NKAIN4: variants seen among roughly 807,000 people sequenced by gnomAD.
NKAIN4 encodes sodium/potassium-transporting ATPase subunit beta-1-interacting protein 4.
In NKAIN4, 28 loss-of-function variants were observed where a neutral mutation model predicts 28.8. The observed-to-expected ratio is 0.97, with a 90% confidence interval of 0.72 to 1.33. The LOEUF (loss-of-function observed/expected upper bound fraction) is 1.33, where lower values mean the gene tolerates loss of function less well. Ranked by LOEUF, NKAIN4 falls within the 40% of genes most tolerant of loss-of-function variation. The probability of loss-of-function intolerance (pLI) is 0.00; values close to 1 mark genes in which losing one functional copy is unlikely to be tolerated. For missense variants in NKAIN4, 289 were observed against 277.2 expected (o/e 1.04, Z -0.30); for synonymous variants, 122 against 115.6 (o/e 1.06, Z -0.36).
rs1157671237 is a variant in NKAIN4 at position 63,245,451 on chromosome 20, G to A, written c.472-1367C>T. On this transcript the variant is annotated intron_variant, in intron 4 of 6. Transcript: ENST00000370316. The surrounding 1 kb of genome is among the most constrained non-coding windows in gnomAD (Gnocchi z 4.7). ...CCTTCCAGCCGGTGCCCTCCTGCCTGGGGACCTGCAGGCCACCTCTGTCCC... is the reference window on the plus strand; with the variant it reads ...CCTTCCAGCCGGTGCCCTCCTGCCTAGGGACCTGCAGGCCACCTCTGTCCC... Among the ~76,000 whole-genome samples, 1 of 152,030 alleles carries A rather than the reference G, an allele frequency of 6.6e-6. No individual in the cohort carries two copies. Among genetic ancestry groups the A allele is most frequent in the Non-Finnish European group, 1.5e-5 (1 of 68,002 alleles).
rs142203420 is a variant in NKAIN4 at position 63,242,719 on chromosome 20, G to C, written c.533-96C>G. ...CCAACCAGACAAAGAAGCCCAAGGG[G>C]TCCCTGGGGGCACAGACAGTGCCCA... On this transcript the variant is annotated intron_variant, in intron 5 of 6. Coordinates refer to ENST00000370316, the MANE Select transcript of NKAIN4 (RefSeq NM_152864.4). 167 of 807,662 alleles carry C rather than the reference G, an allele frequency of 2.1e-4. 1 individual carries two copies. The East Asian group carries it at 5.5e-3, about 26-fold the overall frequency. The allele number at this position is 807,662 out of a possible 1,614,324, so 50.0% of individuals were successfully genotyped here.
chr20:63,246,600 G>T (rs2066862075), intron 4 of NKAIN4: 19 of 985,204 alleles, frequency 1.9e-5, no homozygotes, highest in Non-Finnish European at 2.3e-5. Context: ...CGGCCATGGA[G>T]CCTCGCTCCT....
chr20:63,241,409 G>A lies in NKAIN4; in HGVS notation c.*88C>T, dbSNP rs2066748458. ...CGCCTGGGGGGTGCTGGGTGGGGGC[G>A]CGTCCCAAGGCCTGGGAGCTCCTGT... On this transcript the variant is annotated 3_prime_UTR_variant, in exon 7 of 7. Coordinates refer to ENST00000370316, the MANE Select transcript of NKAIN4 (RefSeq NM_152864.4). 3.5e-6 allele frequency: 5 copies of A among 1,421,058 alleles called. No individual in the cohort carries two copies. Among genetic ancestry groups the A allele is most frequent in the South Asian group, 1.2e-5 (1 of 81,260 alleles). The allele number at this position is 1,421,058 out of a possible 1,614,324, so 88.0% of individuals were successfully genotyped here. A position where few individuals can be genotyped will look rare whatever the true frequency, so the allele number is the denominator to read the frequency against.
chr20:63,247,714 G>A lies in NKAIN4; in HGVS notation c.335C>T (p.Pro112Leu). ...TGGCACCTCCTCATGCAGACAGCCT[G>A]GCCAGCGCTCACGCCACCAGGAGCG... The part of the protein sequence containing the change: ...RHRSWWRERW[P>L]GCLHEEVPAV... The change falls in exon 4 of 7, where the codon CCA (proline) becomes CTA (leucine). Residue 112 changes from proline to leucine, a missense_variant. Coordinates refer to ENST00000370316, the MANE Select transcript of NKAIN4 (RefSeq NM_152864.4). The A allele has an allele frequency of 1.3e-6, 2 of 1,515,900 alleles. No individual in the cohort carries two copies. The highest frequency in any genetic ancestry group is 1.3e-5 in the South Asian group (1 of 78,426). 93.9% of individuals were successfully genotyped at this position (1,515,900 alleles called of 1,614,324 possible).
chr20:63,254,467 G>A (rs894240315), upstream of NKAIN4: 5 of 1,324,150 alleles, frequency 3.8e-6, no homozygotes, highest in Non-Finnish European at 4.8e-6. Flanking sequence ...CGCCTATACA[G>A]GAGGCCCCCG....
chr20:63,245,484 C>G lies in NKAIN4; in HGVS notation c.472-1400G>C, dbSNP rs1165093828. ...GCAGGCCACCTCTGTCCCACACCCCCATGCTCCCCGCCCTGCACACCACCG... is the reference window on the plus strand; with the variant it reads ...GCAGGCCACCTCTGTCCCACACCCCGATGCTCCCCGCCCTGCACACCACCG... On this transcript the variant is annotated intron_variant, in intron 4 of 6. Transcript: ENST00000370316. The surrounding 1 kb of genome is among the most constrained non-coding windows in gnomAD (Gnocchi z 4.7). Among the ~76,000 whole-genome samples the G allele has an allele frequency of 1.3e-5, 2 of 152,112 alleles. No homozygotes were observed. The highest frequency in any genetic ancestry group is 4.8e-5 in the African/African-American group (2 of 41,416).
chr20:63,250,403 T>C (rs750021551), intron 1 of NKAIN4, among the ~76,000 whole-genome samples: 1 of 152,140 alleles, frequency 6.6e-6, no homozygotes, highest in Non-Finnish European at 1.5e-5. Context: ...CCCAGTTTCC[T>C]CATCTGGAGA....
rs2066776487 is a variant in NKAIN4, at chr20:63,242,617, A to C, written c.539T>G (p.Phe180Cys). The part of the protein sequence containing the change: ...VFTEEEDSFD[F>C]IGGFDPFPLY... ...AGGAAATGGATCAAATCCACCAATGAAATCAACTGAAAGAAATCAAGACCC... is the reference window on the plus strand; with the variant it reads ...AGGAAATGGATCAAATCCACCAATGCAATCAACTGAAAGAAATCAAGACCC... Residue 180 changes from phenylalanine to cysteine, a missense_variant, in exon 6 of 7, where the codon TTC becomes TGC. Physicochemically the swap from Phe to Cys is radical, Grantham distance 205. Coordinates refer to ENST00000370316, the MANE Select transcript of NKAIN4 (RefSeq NM_152864.4). 3 of 1,610,888 alleles carry C rather than the reference A, an allele frequency of 1.9e-6. No homozygotes were observed. The highest frequency in any genetic ancestry group is 2.7e-5 in the African/African-American group (2 of 74,842).
intron 5 of NKAIN4, among the ~76,000 whole-genome samples, chr20:63,242,895 G>T (rs553921337): frequency 6.6e-6 from 1 of 150,870 alleles, no homozygotes; most frequent in Non-Finnish European, 1.5e-5. Flanking sequence ...GGCCTGGGGG[G>T]ACGGCAGGGG....
chr20:63,249,875 G>A (rs2066924722), intron 2 of NKAIN4, 60 bp downstream of exon 2: 1 of 1,532,562 alleles, frequency 6.5e-7, no homozygotes, highest in African/African-American at 1.4e-5. Flanking sequence ...TGCCATGGGA[G>A]CCGCCATCCT....
chr20:63,247,692 C>A lies in NKAIN4; in HGVS notation c.357G>T (p.Val119=). Residue 119 remains valine (V), a synonymous_variant, in exon 4 of 7, where the codon GTG becomes GTT. Coordinates refer to ENST00000370316, the MANE Select transcript of NKAIN4 (RefSeq NM_152864.4). ...GGGGGGCCCCGAGGCCCACTGCTGG[C>A]ACCTCCTCATGCAGACAGCCTGGCC... is the stretch of plus-strand genomic sequence containing the variant. ...ERWPGCLHEE[V]PAVGLGAPHG... is the part of the protein sequence containing the mutation. The A allele has an allele frequency of 1.3e-6, 2 of 1,537,620 alleles. No individual in the cohort carries two copies. The highest frequency in any genetic ancestry group is 1.2e-5 in the South Asian group (1 of 81,560).
chr20:63,251,545 C>T (rs1159532038), intron 1 of NKAIN4, among the ~76,000 whole-genome samples: 3 of 152,242 alleles, frequency 2.0e-5, no homozygotes, highest in Non-Finnish European at 4.4e-5. Context: ...GGTGTCACCG[C>T]TAGACCAAGG....
At chr20:63,246,071 G>C (rs907672411) in intron 4 of NKAIN4, among the ~76,000 whole-genome samples, 4 of 152,150 alleles carry the variant, frequency 2.6e-5, no homozygotes, top group African/African-American at 9.7e-5. Flanking sequence ...GGGACTACAG[G>C]CGCCCGCCAC....
At position 63,241,313 on chromosome 20, in the gene NKAIN4, G is replaced by A. The variant is rs1448827453; in HGVS notation, c.*184C>T. The A allele has an allele frequency of 6.7e-6, 4 of 593,094 alleles. No homozygotes were observed. The highest frequency in any genetic ancestry group is 5.7e-5 in the African/African-American group (3 of 52,568). 36.7% of individuals were successfully genotyped at this position (593,094 alleles called of 1,614,324 possible). ...AATTACAAACTCTCTTGACGCTGCA[G>A]CCAGCCGTGGCACTGCCCTGCCGCC... On this transcript the variant is annotated 3_prime_UTR_variant, in exon 7 of 7. Coordinates refer to ENST00000370316, the MANE Select transcript of NKAIN4 (RefSeq NM_152864.4).
intron 6 of NKAIN4, 83 bp downstream of exon 6, chr20:63,242,456 G>C (rs1231641261): frequency 1.1e-6 from 1 of 914,422 alleles, no homozygotes; most frequent in African/African-American, 1.6e-5. Flanking sequence ...TGCCTGGTGA[G>C]GCCCCCAAGG....
chr20:63,250,199 T>C, intron 1 of NKAIN4, 127 bp from the exon 2 acceptor site: 3 of 1,117,114 alleles, frequency 2.7e-6, no homozygotes, highest in Non-Finnish European at 3.7e-6. Context: ...ACCACACCTT[T>C]GTTTGACGAA....
At chr20:63,248,923 G>A (rs6011699) in intron 2 of NKAIN4, 28 bp from the exon 3 acceptor site, 2 of 1,470,168 alleles carry the variant, frequency 1.4e-6, no homozygotes, top group East Asian at 4.5e-5. Context: ...TGGGGCGGCA[G>A]CTGAACACAG....
At position 63,246,995 on chromosome 20, in the gene NKAIN4, T is replaced by A; in HGVS notation, c.471+583A>T. 5 of 998,788 alleles carry A rather than the reference T, an allele frequency of 5.0e-6. No individual in the cohort carries two copies. The South Asian group carries it at 2.2e-4, about 44-fold the overall frequency. The allele number at this position is 998,788 out of a possible 1,614,324, so 61.9% of individuals were successfully genotyped here. On this transcript the variant is annotated intron_variant, in intron 4 of 6. Transcript: ENST00000370316. ...TGCAGGGCCGGAGAGGACGGCAGAGTCCCGTTCCCGCACAAGCAACAGCTG... is the reference window on the plus strand; with the variant it reads ...TGCAGGGCCGGAGAGGACGGCAGAGACCCGTTCCCGCACAAGCAACAGCTG...
rs1052109367 is a variant in NKAIN4, at chr20:63,247,579, G to A, written c.470C>T (p.Ala157Val). Reference protein sequence around the residue: ...ALHSCLQILIALLGFVCGCQV... With the variant: ...ALHSCLQILIVLLGFVCGCQV... Reference sequence around the variant, plus strand: ...GGGGGCCCCCTTCCCCACGCTCACCGCGATCAGGATCTGCAGGCAACTGTG... The same window carrying A: ...GGGGGCCCCCTTCCCCACGCTCACCACGATCAGGATCTGCAGGCAACTGTG... The change falls in exon 4 of 7, where the codon GCG (alanine) becomes GTG (valine). Residue 157 changes from alanine to valine, a missense_variant and splice_region_variant. Transcript: ENST00000370316. 1.4e-5 allele frequency: 21 copies of A among 1,545,946 alleles called. No homozygotes were observed. Among genetic ancestry groups the A allele is most frequent in the East Asian group, 7.4e-5 (3 of 40,744 alleles).
Sources: allele counts gnomAD v4.1 joint callset (sites outside exome capture counted in the v4.1 genomes callset), GRCh38; gene constraint gnomAD v4.1.1; non-coding constraint Gnocchi (gnomAD v3.1); transcripts MANE v1.5; gene names NCBI Gene and HGNC (gene_info 2026-07-23, HGNC 2026-07-21).